The following DMBT1 variants were observed in gnomAD, a reference collection of about 807,000 sequenced individuals.
The protein encoded by DMBT1 is scavenger receptor cysteine-rich domain-containing protein DMBT1.
A neutral mutation model predicts 252.9 loss-of-function variants in DMBT1; 198 were observed. The ratio of observed to expected loss-of-function variants is 0.78; its 90% CI spans 0.70 to 0.88. DMBT1 has a LOEUF of 0.88. Among genes scored for constraint, DMBT1 ranks in the 40% least tolerant of loss-of-function variants. The pLI, the probability that DMBT1 is intolerant of heterozygous loss-of-function variation, is 0.00. For missense variants in DMBT1, 2,432 were observed against 2,404.7 expected, an observed-to-expected ratio of 1.01 and a Z score of -0.24; for synonymous variants, 990 against 942.7, an observed-to-expected ratio of 1.05 and a Z score of -0.92.
At chr10:122,597,897 CT>C in intron 24 of DMBT1, 76 bp from the exon 25 acceptor site, 1 of 1,608,138 alleles carries the variant, frequency 6.2e-7, no homozygotes, top group Non-Finnish European at 8.5e-7. Context: ...TGATGTTTGC[CT>C]TCTCCGGAGA....
intron 2 of DMBT1, among the ~76,000 whole-genome samples, chr10:122,569,885 T>A (rs963056579): frequency 1.3e-5 from 2 of 152,170 alleles, no homozygotes; most frequent in Non-Finnish European, 2.9e-5. Context: ...GTGACTAGGA[T>A]GGGGCTATGA....
intron 1 of DMBT1, among the ~76,000 whole-genome samples, chr10:122,564,009 T>C (rs7090539): frequency 0.057 from 8,751 of 152,260 alleles, 785 homozygotes; most frequent in African/African-American, 0.19. Flanking sequence ...GGTGGGGATG[T>C]TCTGGTACAG....
At chr10:122,574,937 G>A (rs1173711523) in intron 6 of DMBT1, among the ~76,000 whole-genome samples, 1 of 152,184 alleles carries the variant, frequency 6.6e-6, no homozygotes, top group Non-Finnish European at 1.5e-5. Context: ...GCAGCCCAGT[G>A]GAGAGCTCAG....
rs982091690 is a variant in DMBT1, at chr10:122,592,264, C to G, written c.2177-8C>G. On this transcript the variant is annotated splice_polypyrimidine_tract_variant and splice_region_variant and intron_variant, in intron 19 of 55. Coordinates refer to ENST00000338354, the MANE Select transcript of DMBT1 (RefSeq NM_001377530.1). ...GGATGGATAAAGGGTTCTTGTGTTCCCCTGTAGGATCTGAATCCAGTTTGA... is the reference window on the plus strand; with the variant it reads ...GGATGGATAAAGGGTTCTTGTGTTCGCCTGTAGGATCTGAATCCAGTTTGA... 2.5e-6 allele frequency: 4 copies of G among 1,585,918 alleles called. No individual in the cohort carries two copies. The African/African-American group carries it at 4.0e-5, about 16-fold the overall frequency.
chr10:122,585,188 G>A lies in DMBT1; in HGVS notation c.1421-83G>A. The A allele has an allele frequency of 4.0e-6, 6 of 1,514,600 alleles. 1 individual carries two copies. The Admixed American group carries it at 6.8e-5, about 17-fold the overall frequency. The allele number at this position is 1,514,600 out of a possible 1,614,324, so 93.8% of individuals were successfully genotyped here. ...TCAGAAGTGGGGTAGTTTTCATGAT[G>A]CTCGCCTTCTCCGGAGACTTTTCCT... is the stretch of plus-strand genomic sequence containing the variant. On this transcript the variant is annotated intron_variant, in intron 14 of 55. Coordinates refer to ENST00000338354, the MANE Select transcript of DMBT1 (RefSeq NM_001377530.1).
chr10:122,589,450 G>C (rs563886563), intron 17 of DMBT1, among the ~76,000 whole-genome samples, 183 bp downstream of exon 17: 2 of 148,454 alleles, frequency 1.3e-5, no homozygotes, highest in East Asian at 4.2e-4. Context: ...GAGGAGGTCA[G>C]AGAGGACAAT....
chr10:122,619,275 A>T, intron 41 of DMBT1, 33 bp from the exon 42 acceptor site: 2 of 1,613,798 alleles, frequency 1.2e-6, no homozygotes, highest in Admixed American at 1.7e-5. Flanking sequence ...TGTATAGTGC[A>T]TCTGATCTGA....
chr10:122,621,426 C>A (rs777958945), intron 44 of DMBT1, 46 bp downstream of exon 44: 61 of 1,612,278 alleles, frequency 3.8e-5, no homozygotes, highest in Non-Finnish European at 5.1e-5. Flanking sequence ...GTGGAGTTTG[C>A]TCCAGAAGAA....
At chr10:122,627,228 CT>C (rs1403937596) in intron 46 of DMBT1, among the ~76,000 whole-genome samples, 2 of 152,160 alleles carry the variant, frequency 1.3e-5, no homozygotes, top group African/African-American at 4.8e-5. Context: ...AGCATTGTGT[CT>C]GCCTTTCAAG....
chr10:122,618,133 A>C lies in DMBT1; in HGVS notation c.5008A>C (p.Asn1670His), dbSNP rs781635770. 1.9e-6 allele frequency: 3 copies of C among 1,613,962 alleles called. No individual in the cohort carries two copies. Among genetic ancestry groups the C allele is most frequent in the South Asian group, 2.2e-5 (2 of 91,070 alleles). ...GTVCDDYWDT[N>H]DANVVCRQLG... Reference sequence around the variant, plus strand: ...CGTGTGTGATGACTACTGGGACACCAATGATGCCAACGTGGTCTGCAGGCA... The same window carrying C: ...CGTGTGTGATGACTACTGGGACACCCATGATGCCAACGTGGTCTGCAGGCA... Residue 1670 changes from asparagine (N) to histidine (H), a missense_variant, in exon 41 of 56, where the codon AAT becomes CAT. Coordinates refer to ENST00000338354, the MANE Select transcript of DMBT1 (RefSeq NM_001377530.1).
chr10:122,563,770 G>A (rs1303874430), intron 1 of DMBT1, among the ~76,000 whole-genome samples: 1 of 152,124 alleles, frequency 6.6e-6, no homozygotes, highest in African/African-American at 2.4e-5. Context: ...GCAGAACCAG[G>A]AACAACTTCA....
At position 122,643,597 on chromosome 10, in the gene DMBT1, C is replaced by G; in HGVS notation, c.*199C>G. 1.4e-6 allele frequency: 1 copy of G among 716,456 alleles called. No individual in the cohort carries two copies. Among genetic ancestry groups the G allele is most frequent in the East Asian group, 2.8e-5 (1 of 36,334 alleles). 44.4% of individuals were successfully genotyped at this position (716,456 alleles called of 1,614,324 possible). A position where few individuals can be genotyped will look rare whatever the true frequency, so the allele number is the denominator to read the frequency against. ...TGGAGGACCCGTTGCAGGGTGAGGT[C>G]AAGAGAGTTCTGACCTGGATGGCCC... On this transcript the variant is annotated 3_prime_UTR_variant, in exon 56 of 56. Transcript: ENST00000338354.
chr10:122,618,433 T>G, intron 41 of DMBT1, 93 bp downstream of exon 41: 5 of 1,576,638 alleles, frequency 3.2e-6, no homozygotes, highest in Non-Finnish European at 4.3e-6. Context: ...ACTCAAAGCT[T>G]TTTCTATGTT....
intron 54 of DMBT1, among the ~76,000 whole-genome samples, chr10:122,638,793 G>A (rs943509910): frequency 2.0e-5 from 3 of 152,218 alleles, no homozygotes; most frequent in Non-Finnish European, 4.4e-5. Flanking sequence ...GAGTGCCTCA[G>A]GGGCAGGGCC....
chr10:122,577,818 G>C lies in DMBT1; in HGVS notation c.615G>C (p.Gln205His). ...EDAGVICSAA[Q>H]PQSTLRPESW... ...GCTATTTTTTTCTCACAGCTGCCCA[G>C]CCTCAGTCAACACTCAGGCCAGGTG... The change falls in exon 8 of 56, where the codon CAG becomes CAC. Residue 205 changes from glutamine to histidine, a missense_variant. Physicochemically the swap from Gln to His is conservative, Grantham distance 24. Transcript: ENST00000338354. The C allele has an allele frequency of 6.2e-7, 1 of 1,613,654 alleles. No homozygotes were observed. Among genetic ancestry groups the C allele is most frequent in the Non-Finnish European group, 8.5e-7 (1 of 1,179,732 alleles).
chr10:122,565,261 A>G (rs1489950017), intron 1 of DMBT1, among the ~76,000 whole-genome samples: 1 of 152,252 alleles, frequency 6.6e-6, no homozygotes, highest in Non-Finnish European at 1.5e-5. Context: ...TTGGATTTAT[A>G]AAAGGATCTA....
rs189882165 is a variant in DMBT1 at position 122,588,346 on chromosome 10, G to T, written c.1784-598G>T. Among the ~76,000 whole-genome samples the T allele has an allele frequency of 2.6e-3, 379 of 147,820 alleles. 14 individuals are homozygous for T. The highest frequency in any genetic ancestry group is 8.7e-3 in the African/African-American group (358 of 41,094). ...TGCTTCTGGTGTTGGAGGGTAGAGG[G>T]GGCTGGTGACCTGTCTCCCTTGGGA... On this transcript the variant is annotated intron_variant, in intron 16 of 55. Transcript: ENST00000338354.
At chr10:122,631,407 G>A (rs958948021) in intron 49 of DMBT1, 126 bp downstream of exon 49, 31 of 1,229,580 alleles carry the variant, frequency 2.5e-5, no homozygotes, top group African/African-American at 7.5e-5. Context: ...CGTGGCCTGC[G>A]CACTCCAGAA....
At position 122,576,614 on chromosome 10, in the gene DMBT1, G is replaced by T. The variant is rs2133543556; in HGVS notation, c.499G>T (p.Asp167Tyr). The change falls in exon 7 of 56, where the codon GAT (aspartate) becomes TAT (tyrosine). Residue 167 changes from aspartate (D) to tyrosine (Y), a missense_variant. Asp to Tyr is a radical substitution (Grantham distance 160, BLOSUM62 -3). This residue lies in a region of DMBT1 where 1,264 missense variants were observed against 1,082.2 expected (regional missense o/e 1.17). Transcript: ENST00000338354. ...CCAGGGCTCAGGACCCATTGCCCTG[G>T]ATGATGTGCGCTGCTCAGGACACGA... ...FGQGSGPIAL[D>Y]DVRCSGHESY... 1.9e-6 allele frequency: 3 copies of T among 1,613,880 alleles called. No individual in the cohort carries two copies. In the East Asian group the frequency reaches 6.7e-5, roughly 36 times the overall value.
Sources: allele counts gnomAD v4.1 joint callset (sites outside exome capture counted in the v4.1 genomes callset), GRCh38; gene constraint gnomAD v4.1.1; regional missense constraint gnomAD v4.1.1; transcripts MANE v1.5; gene names NCBI Gene and HGNC (gene_info 2026-07-23, HGNC 2026-07-21).